EVC2: variants seen among roughly 807,000 people sequenced by gnomAD.
The protein encoded by EVC2 is limbin.
EVC2 carries 148 observed loss-of-function variants against 149.3 expected under a neutral mutation model. That is an observed-to-expected ratio of 0.99 (90% CI 0.87 to 1.14). EVC2 has a LOEUF of 1.14. Among genes scored for constraint, EVC2 ranks in the 50% most tolerant of loss-of-function variants. The pLI is 0.00. For synonymous variants in EVC2, 776 were observed against 649.9 expected (o/e 1.19, Z -2.95); for missense variants, 1,854 against 1,627.3 (o/e 1.14, Z -2.40).
At chr4:5,531,185 C>G in the EVC2 span, among the ~76,000 whole-genome samples, 1 of 152,152 alleles carries the variant, frequency 6.6e-6, no homozygotes, top group African/African-American at 2.4e-5. Flanking sequence ...GCACCAGTGA[C>G]AAGCGAACTG....
In EVC2 at chr4:5,618,231, G is replaced by A. The variant is rs1013645780; in HGVS notation, c.2706+247C>T. Reference sequence around the variant, plus strand: ...GCTGCGCAAGGCTGACACAGCTGCTGGTGGATGGTGCAACAGCCCAGGCAA... The same window carrying A: ...GCTGCGCAAGGCTGACACAGCTGCTAGTGGATGGTGCAACAGCCCAGGCAA... On this transcript the variant is annotated intron_variant, in intron 15 of 21. Coordinates refer to ENST00000344408, the MANE Select transcript of EVC2 (RefSeq NM_147127.5). The surrounding 1 kb of genome is among the most constrained non-coding windows in gnomAD (Gnocchi z 4.4). Among the ~76,000 whole-genome samples the A allele has an allele frequency of 2.0e-5, 3 of 152,190 alleles. No homozygotes were observed. Among genetic ancestry groups the A allele is most frequent in the African/African-American group, 7.2e-5 (3 of 41,440 alleles).
chr4:5,609,554 C>T (rs547208859), intron 16 of EVC2, among the ~76,000 whole-genome samples: 38 of 152,258 alleles, frequency 2.5e-4, no homozygotes, highest in Non-Finnish European at 3.7e-4. Flanking sequence ...GCCTGGATCA[C>T]GTAGCATGTG....
chr4:5,654,087 G>A (rs1226839614), intron 9 of EVC2, among the ~76,000 whole-genome samples: 6 of 152,164 alleles, frequency 3.9e-5, no homozygotes, highest in East Asian at 3.9e-4. Context: ...GGTGGCGGGC[G>A]CCTGTAATCC....
At chr4:5,621,065 G>C (rs1715650507) in intron 14 of EVC2, among the ~76,000 whole-genome samples, 1 of 152,234 alleles carries the variant, frequency 6.6e-6, no homozygotes, top group Non-Finnish European at 1.5e-5. Context: ...TCACAGAAGA[G>C]AGAGATGGGA....
intron 21 of EVC2, among the ~76,000 whole-genome samples, chr4:5,545,027 G>A (rs563362463): frequency 6.6e-5 from 10 of 152,206 alleles, no homozygotes; most frequent in African/African-American, 1.9e-4. Context: ...CCTGCTGCTC[G>A]GCCCTCCAGG....
downstream of EVC2, among the ~76,000 whole-genome samples, chr4:5,538,837 C>G (rs1168146587): frequency 6.6e-6 from 1 of 151,992 alleles, no homozygotes; most frequent in Non-Finnish European, 1.5e-5. Context: ...AAAGGTTATC[C>G]ACGAAAAACC....
chr4:5,560,305 G>C (rs1721913598), downstream of EVC2, among the ~76,000 whole-genome samples: 2 of 152,222 alleles, frequency 1.3e-5, no homozygotes, highest in South Asian at 4.1e-4. The surrounding 1 kb of genome is among the most constrained non-coding windows in gnomAD (Gnocchi z 4.1). Flanking sequence ...TCACATTGCT[G>C]TAAGGAAATA....
chr4:5,662,545 TA>T (rs1210714702), intron 9 of EVC2, among the ~76,000 whole-genome samples: 6 of 109,282 alleles, frequency 5.5e-5, no homozygotes, highest in Non-Finnish European at 1.2e-4. Context: ...AATATAATAT[TA>T]ATATTAAATA....
rs574218062 is a variant in EVC2 at position 5,614,005 on chromosome 4, G to A, written c.2829+1417C>T. Among the ~76,000 whole-genome samples the A allele has an allele frequency of 3.2e-4, 48 of 152,262 alleles. No individual in the cohort carries two copies. The highest frequency in any genetic ancestry group is 6.6e-4 in the Non-Finnish European group (45 of 68,020). On this transcript the variant is annotated intron_variant, in intron 16 of 21. Transcript: ENST00000344408. The surrounding 1 kb of genome is among the most constrained non-coding windows in gnomAD (Gnocchi z 4.7). Reference sequence around the variant, plus strand: ...AAAAGCTAGAAAAAGGAGACAGGTGGAAGGTAAGAACAAAAACAGCAGCTC... The same window carrying A: ...AAAAGCTAGAAAAAGGAGACAGGTGAAAGGTAAGAACAAAAACAGCAGCTC...
At chr4:5,551,562 C>A (rs1042178526) in intron 21 of EVC2, among the ~76,000 whole-genome samples, 1 of 152,126 alleles carries the variant, frequency 6.6e-6, no homozygotes, top group African/African-American at 2.4e-5. Flanking sequence ...AAGGGACTTG[C>A]CTTGTCTTAG....
At chr4:5,672,419 C>G (rs1022980123) in intron 7 of EVC2, among the ~76,000 whole-genome samples, 3 of 152,186 alleles carry the variant, frequency 2.0e-5, no homozygotes, top group African/African-American at 2.4e-5. Flanking sequence ...TTTAGAAAGA[C>G]AACTCTGGCC....
intron 16 of EVC2, among the ~76,000 whole-genome samples, chr4:5,603,555 C>A (rs1258523377): frequency 6.6e-6 from 1 of 152,192 alleles, no homozygotes; most frequent in Non-Finnish European, 1.5e-5. Context: ...AAGGACCATT[C>A]CTGACAAGAA....
At chr4:5,615,620 C>A (rs1054831198) in intron 15 of EVC2, 76 bp from the exon 16 acceptor site, 2 of 1,607,898 alleles carry the variant, frequency 1.2e-6, no homozygotes, top group African/African-American at 2.7e-5. Context: ...GAGGGCTTTG[C>A]AGGTCAAGAG....
chr4:5,664,183 G>A (rs1719101903), intron 8 of EVC2, among the ~76,000 whole-genome samples: 1 of 152,176 alleles, frequency 6.6e-6, no homozygotes, highest in African/African-American at 2.4e-5. Flanking sequence ...TAGGAAAACT[G>A]AGGCTCACAG....
chr4:5,681,273 T>C lies in EVC2; in HGVS notation c.857A>G (p.Glu286Gly), dbSNP rs1720323516. Residue 286 changes from glutamate to glycine, a missense_variant, in exon 7 of 22, where the codon GAA becomes GGA. By Grantham distance (98) the Glu-to-Gly change is moderately conservative. Coordinates refer to ENST00000344408, the MANE Select transcript of EVC2 (RefSeq NM_147127.5). ...CATGTCTCTTACCGTTACGTTTTCT[T>C]CTGCTGTTATGGAAAAAAGCACTTT... ...QLKVLFSITA[E>G]ENVTVLPHHG... 1.1e-5 allele frequency: 18 copies of C among 1,614,260 alleles called. No homozygotes were observed. Among genetic ancestry groups the C allele is most frequent in the Non-Finnish European group, 1.5e-5 (18 of 1,180,044 alleles).
At chr4:5,545,174 C>G (rs1721590857) in intron 21 of EVC2, among the ~76,000 whole-genome samples, 1 of 152,226 alleles carries the variant, frequency 6.6e-6, no homozygotes, top group East Asian at 1.9e-4. Flanking sequence ...GTGAGCTCCT[C>G]TCCAGGAGAC....
intron 21 of EVC2, among the ~76,000 whole-genome samples, chr4:5,552,874 T>A (rs756047366): frequency 3.3e-5 from 5 of 152,154 alleles, no homozygotes; most frequent in Non-Finnish European, 7.3e-5. Context: ...TGAGTGATGA[T>A]CTGTGCATAC....
chr4:5,619,330 G>A (rs1457286113), intron 14 of EVC2, among the ~76,000 whole-genome samples: 2 of 152,224 alleles, frequency 1.3e-5, no homozygotes, highest in African/African-American at 4.8e-5. Flanking sequence ...CCATATTGGA[G>A]CACAGTGGGC....
In EVC2 at chr4:5,606,722, T is replaced by C. The variant is rs77282655; in HGVS notation, c.2829+8700A>G. 7.9e-3 allele frequency among the ~76,000 whole-genome samples: 1,198 copies of C among 152,210 alleles called. 14 individuals carry two copies. The highest frequency in any genetic ancestry group is 0.027 in the African/African-American group (1,105 of 41,538). Reference sequence around the variant, plus strand: ...ACGGTGGAACAAGCAGATAAGGACATTGAAACAGCAATTAGAAAAAGAAAC... The same window carrying C: ...ACGGTGGAACAAGCAGATAAGGACACTGAAACAGCAATTAGAAAAAGAAAC... On this transcript the variant is annotated intron_variant, in intron 16 of 21. Coordinates refer to ENST00000344408, the MANE Select transcript of EVC2 (RefSeq NM_147127.5).
Sources: allele counts gnomAD v4.1 joint callset (sites outside exome capture counted in the v4.1 genomes callset), GRCh38; gene constraint gnomAD v4.1.1; non-coding constraint Gnocchi (gnomAD v3.1); transcripts MANE v1.5; gene names NCBI Gene and HGNC (gene_info 2026-07-23, HGNC 2026-07-21).